IKBKB: variants seen among roughly 807,000 people sequenced by gnomAD.
The protein encoded by IKBKB is inhibitor of nuclear factor kappa-B kinase subunit beta.
A neutral mutation model predicts 113.6 loss-of-function variants in IKBKB; 42 were observed. That is an observed-to-expected ratio of 0.37 (90% CI 0.29 to 0.48). The LOEUF (loss-of-function observed/expected upper bound fraction) is 0.48, where lower values mean the gene tolerates loss of function less well. Among genes scored for constraint, IKBKB ranks in the 20% least tolerant of loss-of-function variants. The probability of loss-of-function intolerance (pLI) is 0.99; values close to 1 mark genes in which losing one functional copy is unlikely to be tolerated. For missense variants in IKBKB, 673 were observed against 939.7 expected (o/e 0.72, Z 3.71); for synonymous variants, 296 against 361.3 (o/e 0.82, Z 2.05).
chr8:42,321,011 A>C, intron 16 of IKBKB, 167 bp downstream of exon 16: 1 of 507,730 alleles, frequency 2.0e-6, no homozygotes, highest in South Asian at 2.9e-5. Context: ...CAGTTTCCAA[A>C]TCTGTTCAGT....
chr8:42,272,381 G>A (rs1030023870), intron 2 of IKBKB, 176 bp downstream of exon 2: 7 of 725,596 alleles, frequency 9.6e-6, no homozygotes, highest in South Asian at 1.6e-5. Context: ...CCAGGTTAGT[G>A]GTCTCCATGC....
Position 42,327,523 on chromosome 8 carries a change from T to C in IKBKB, c.2114+1426T>C, listed in dbSNP as rs547469355. On this transcript the variant is annotated intron_variant, in intron 20 of 21. Transcript: ENST00000520810. Reference sequence around the variant, plus strand: ...TGATTTTTTGTAGTTTTAGTAGAGATGGGGTTTCACCGTATTAGCCAGGAT... The same window carrying C: ...TGATTTTTTGTAGTTTTAGTAGAGACGGGGTTTCACCGTATTAGCCAGGAT... 1.8e-4 allele frequency among the ~76,000 whole-genome samples: 28 copies of C among 151,538 alleles called. 1 individual carries two copies. The South Asian group carries it at 5.6e-3, about 31-fold the overall frequency.
chr8:42,316,987 C>G lies in IKBKB; in HGVS notation c.1125+83C>G. Reference sequence around the variant, plus strand: ...CTCAACACACTTTCAGATTTCAATTCTGCTTTGTCATGTAGTCTGTTAATC... The same window carrying G: ...CTCAACACACTTTCAGATTTCAATTGTGCTTTGTCATGTAGTCTGTTAATC... On this transcript the variant is annotated intron_variant, in intron 11 of 21. Coordinates refer to ENST00000520810, the MANE Select transcript of IKBKB (RefSeq NM_001556.3). The surrounding 1 kb of genome is among the most constrained non-coding windows in gnomAD (Gnocchi z 4.5). The G allele has an allele frequency of 7.6e-7, 1 of 1,317,074 alleles. No homozygotes were observed. The highest frequency in any genetic ancestry group is 1.1e-6 in the Non-Finnish European group (1 of 932,930). 81.6% of individuals were successfully genotyped at this position (1,317,074 alleles called of 1,614,324 possible).
intron 4 of IKBKB, 73 bp downstream of exon 4, chr8:42,290,346 C>T (rs1216359496): frequency 1.0e-6 from 1 of 973,376 alleles, no homozygotes; most frequent in Non-Finnish European, 1.6e-6. Flanking sequence ...GATGGGGAGA[C>T]CTTTCACTTC....
chr8:42,306,381 G>A lies in IKBKB; in HGVS notation c.516G>A (p.Glu172=). 6.2e-7 allele frequency: 1 copy of A among 1,613,514 alleles called. No homozygotes were observed. Among genetic ancestry groups the A allele is most frequent in the Non-Finnish European group, 8.5e-7 (1 of 1,179,460 alleles). Residue 172 remains glutamate (E), a synonymous_variant, in exon 7 of 22, where the codon GAG becomes GAA. Coordinates refer to ENST00000520810, the MANE Select transcript of IKBKB (RefSeq NM_001556.3). ...HKIIDLGYAK[E]LDQGSLCTSF... ...TTATTGACCTAGGATATGCCAAGGAGCTGGATCAGGGCAGTCTTTGCACAT... is the reference window on the plus strand; with the variant it reads ...TTATTGACCTAGGATATGCCAAGGAACTGGATCAGGGCAGTCTTTGCACAT...
chr8:42,319,775 C>A, intron 15 of IKBKB, 129 bp downstream of exon 15: 2 of 785,890 alleles, frequency 2.5e-6, no homozygotes, highest in Non-Finnish European at 4.0e-6. Flanking sequence ...ATGCTTTGAG[C>A]TTAACTGGAC....
At chr8:42,280,777 A>C (rs1314155434) in intron 2 of IKBKB, among the ~76,000 whole-genome samples, 1 of 152,116 alleles carries the variant, frequency 6.6e-6, no homozygotes, top group Non-Finnish European at 1.5e-5. Context: ...CAGTGTGTGT[A>C]CTGGCTGTTA....
chr8:42,276,131 G>A (rs1468901466), intron 2 of IKBKB, among the ~76,000 whole-genome samples: 10 of 152,304 alleles, frequency 6.6e-5, no homozygotes, highest in African/African-American at 2.4e-4. Context: ...GTGAGCCACT[G>A]CGCTAGCCTT....
In IKBKB at chr8:42,325,529, A is replaced by G. The variant is rs959368069; in HGVS notation, c.1987-441A>G. 9.5e-6 allele frequency: 6 copies of G among 634,618 alleles called. No homozygotes were observed. In the African/African-American group the frequency reaches 1.2e-4, roughly 13 times the overall value. 39.3% of individuals were successfully genotyped at this position (634,618 alleles called of 1,614,324 possible). On this transcript the variant is annotated intron_variant, in intron 19 of 21. Transcript: ENST00000520810. Reference sequence around the variant, plus strand: ...CACCGTCTCTACTAAAAATACAAAAATTAGCTGGGTGTAGTGGCACACACC... The same window carrying G: ...CACCGTCTCTACTAAAAATACAAAAGTTAGCTGGGTGTAGTGGCACACACC...
intron 2 of IKBKB, among the ~76,000 whole-genome samples, chr8:42,278,840 C>A (rs1005031480): frequency 6.6e-6 from 1 of 152,024 alleles, no homozygotes; most frequent in East Asian, 1.9e-4. Context: ...ACTAAAAATA[C>A]AAAATTAGCC....
At chr8:42,318,762 C>CCAGA in intron 13 of IKBKB, 87 bp downstream of exon 13, 1 of 1,265,510 alleles carries the variant, frequency 7.9e-7, no homozygotes. Flanking sequence ...AGGCAGGGAC[C>CCAGA]CAGAAGCAAC....
chr8:42,312,965 T>C (rs1350414182), intron 8 of IKBKB, among the ~76,000 whole-genome samples: 1 of 152,240 alleles, frequency 6.6e-6, no homozygotes, highest in Non-Finnish European at 1.5e-5. Flanking sequence ...TACTCTGTTG[T>C]GTGACCTTGG....
rs1818743680 is a variant in IKBKB at position 42,316,691 on chromosome 8, C to A, written c.931-19C>A. 6.2e-6 allele frequency: 10 copies of A among 1,603,646 alleles called. No homozygotes were observed. The highest frequency in any genetic ancestry group is 8.5e-6 in the Non-Finnish European group (10 of 1,172,690). On this transcript the variant is annotated intron_variant, in intron 10 of 21. Coordinates refer to ENST00000520810, the MANE Select transcript of IKBKB (RefSeq NM_001556.3). The surrounding 1 kb of genome is among the most constrained non-coding windows in gnomAD (Gnocchi z 4.5). ...CTTGAAGAAATCGGTTTTCCAGTAACATCTGGGTTGTGTTGCAGCTGGTTC... is the reference window on the plus strand; with the variant it reads ...CTTGAAGAAATCGGTTTTCCAGTAAAATCTGGGTTGTGTTGCAGCTGGTTC...
At chr8:42,282,169 G>GT (rs1476345536) in intron 2 of IKBKB, among the ~76,000 whole-genome samples, 1 of 152,118 alleles carries the variant, frequency 6.6e-6, no homozygotes, top group Non-Finnish European at 1.5e-5. Flanking sequence ...ATACAGACCA[G>GT]TTTTTTGTTG....
rs371784204 is a variant in IKBKB at position 42,325,392 on chromosome 8, A to G, written c.1987-578A>G. 7 of 985,908 alleles carry G rather than the reference A, an allele frequency of 7.1e-6. No homozygotes were observed. In the African/African-American group the frequency reaches 8.7e-5, roughly 12 times the overall value. The allele number at this position is 985,908 out of a possible 1,614,324, so 61.1% of individuals were successfully genotyped here. A position where few individuals can be genotyped will look rare whatever the true frequency, so the allele number is the denominator to read the frequency against. On this transcript the variant is annotated intron_variant, in intron 19 of 21. Coordinates refer to ENST00000520810, the MANE Select transcript of IKBKB (RefSeq NM_001556.3). Reference sequence around the variant, plus strand: ...AATACTTTCCTGTTCTTTTCTTGTAAAAGTTCATTAAGGGGCTGGATGCAG... The same window carrying G: ...AATACTTTCCTGTTCTTTTCTTGTAGAAGTTCATTAAGGGGCTGGATGCAG...
intron 5 of IKBKB, among the ~76,000 whole-genome samples, chr8:42,294,800 A>G (rs1014575397): frequency 2.0e-5 from 3 of 152,170 alleles, no homozygotes; most frequent in Admixed American, 6.5e-5. Context: ...AGCATAATCC[A>G]TCAGTTAGAA....
At chr8:42,309,479 G>T in intron 8 of IKBKB, 1 of 416,330 alleles carries the variant, frequency 2.4e-6, no homozygotes, top group Non-Finnish European at 4.8e-6. Flanking sequence ...ATGTGGCCGG[G>T]TACAGTGGCT....
At chr8:42,313,649 A>C (rs1818146679) in intron 8 of IKBKB, among the ~76,000 whole-genome samples, 1 of 152,170 alleles carries the variant, frequency 6.6e-6, no homozygotes, top group African/African-American at 2.4e-5. Flanking sequence ...CTCTGTCAAA[A>C]CACAAGAGTG....
At chr8:42,290,301 C>T (rs1166624404) in intron 4 of IKBKB, 28 bp downstream of exon 4, 1 of 1,495,620 alleles carries the variant, frequency 6.7e-7, no homozygotes, top group Middle Eastern at 1.7e-4. Context: ...GCCAGGTGCA[C>T]AGCCTGTCTG....
Sources: allele counts gnomAD v4.1 joint callset (sites outside exome capture counted in the v4.1 genomes callset), GRCh38; gene constraint gnomAD v4.1.1; non-coding constraint Gnocchi (gnomAD v3.1); transcripts MANE v1.5; gene names NCBI Gene and HGNC (gene_info 2026-07-23, HGNC 2026-07-21).